Variants in FBXL19 observed in about 807,000 individuals in gnomAD.
FBXL19 encodes the protein F-box/LRR-repeat protein 19.
FBXL19 carries 16 observed loss-of-function variants against 71.2 expected under a neutral mutation model. That is an observed-to-expected ratio of 0.22 (90% CI 0.15 to 0.34). The LOEUF is 0.34. FBXL19 is among the 10% of genes least tolerant of loss of function. FBXL19 has a pLI of 1.00. For synonymous variants in FBXL19, 447 were observed against 409.4 expected (o/e 1.09, Z -1.11); for missense variants, 658 against 968.2 (o/e 0.68, Z 4.25).
chr16:30,943,312 C>T (rs1187435757), intron 9 of FBXL19, among the ~76,000 whole-genome samples: 1 of 151,694 alleles, frequency 6.6e-6, no homozygotes, highest in Non-Finnish European at 1.5e-5. Context: ...ACCTCAGCCT[C>T]CTGAGTAGCT....
In FBXL19 at chr16:30,930,059, C is replaced by G. The variant is rs528788728; in HGVS notation, c.790-14C>G. On this transcript the variant is annotated splice_polypyrimidine_tract_variant and intron_variant, in intron 6 of 10. Transcript: ENST00000338343. This position sits in a 1 kb window ranked among gnomAD's most constrained non-coding sequence, Gnocchi z 8.5. ...CCCAGGCCCTAGAACAGCATCAACC[C>G]TGTCTCCCTGCAGAAACCAAAGCCG... 1 of 1,606,846 alleles carries G rather than the reference C, an allele frequency of 6.2e-7. No individual in the cohort carries two copies. The highest frequency in any genetic ancestry group is 2.2e-5 in the East Asian group (1 of 44,758).
At position 30,930,155 on chromosome 16, in the gene FBXL19, A is replaced by G; in HGVS notation, c.872A>G (p.Lys291Arg). 3 of 1,613,422 alleles carry G rather than the reference A, an allele frequency of 1.9e-6. No homozygotes were observed. The highest frequency in any genetic ancestry group is 2.5e-6 in the Non-Finnish European group (3 of 1,179,888). ...SPQREKLERF[K>R]RMCQLLERVP... ...CAGAGGGAGAAGCTAGAGCGTTTCA[A>G]GCGGATGTGCCAGCTGCTGGAACGG... The change falls in exon 7 of 11, where the codon AAG becomes AGG. Residue 291 changes from lysine (K) to arginine (R), a missense_variant. Physicochemically the swap from Lys to Arg is conservative, Grantham distance 26. Coordinates refer to ENST00000338343, the MANE Select transcript of FBXL19 (RefSeq NM_001382779.1). The surrounding 1 kb of genome is among the most constrained non-coding windows in gnomAD (Gnocchi z 8.5).
Position 30,924,029 on chromosome 16 carries a change from G to C in FBXL19, c.-455G>C, listed in dbSNP as rs1031054595. The C allele has an allele frequency of 6.6e-6, 1 of 151,116 alleles. No homozygotes were observed. Among genetic ancestry groups the C allele is most frequent in the Non-Finnish European group, 1.5e-5 (1 of 67,590 alleles). 9.4% of individuals were successfully genotyped at this position (151,116 alleles called of 1,614,324 possible). A position where few individuals can be genotyped will look rare whatever the true frequency, so the allele number is the denominator to read the frequency against. On this transcript the variant is annotated 5_prime_UTR_variant, in exon 1 of 11. Coordinates refer to ENST00000338343, the MANE Select transcript of FBXL19 (RefSeq NM_001382779.1). ...GCCCAGGCCTGGCACTGGACCCCTG[G>C]GCAGTGGGGTCCGGGAAGGGGCCAG...
At position 30,948,009 on chromosome 16, in the gene FBXL19, C is replaced by T; in HGVS notation, c.*779C>T. The T allele has an allele frequency of 8.2e-6, 3 of 366,612 alleles. No homozygotes were observed. The highest frequency in any genetic ancestry group is 1.6e-5 in the Non-Finnish European group (3 of 186,384). The allele number at this position is 366,612 out of a possible 1,614,324, so 22.7% of individuals were successfully genotyped here. ...CCCGCCTCTCCGCACAATACTTGAACATTCATCTGTACTGAAGTGTTACTT... is the reference window on the plus strand; with the variant it reads ...CCCGCCTCTCCGCACAATACTTGAATATTCATCTGTACTGAAGTGTTACTT... On this transcript the variant is annotated 3_prime_UTR_variant, in exon 11 of 11. Coordinates refer to ENST00000338343, the MANE Select transcript of FBXL19 (RefSeq NM_001382779.1).
chr16:30,936,045 C>T (rs1285700064), intron 7 of FBXL19, among the ~76,000 whole-genome samples: 2 of 152,196 alleles, frequency 1.3e-5, no homozygotes, highest in African/African-American at 2.4e-5. Context: ...CTGCACCAAC[C>T]ACTTCCCTGA....
Position 30,925,967 on chromosome 16 carries a change from C to T in FBXL19, c.177+36C>T, listed in dbSNP as rs1273381939. On this transcript the variant is annotated intron_variant, in intron 2 of 10. Transcript: ENST00000338343. This position sits in a 1 kb window ranked among gnomAD's most constrained non-coding sequence, Gnocchi z 5.0. ...CCCCCACCTTTGGGCTCTGCCCACC[C>T]TTCCCAATACCTTCTTGGAATGGCT... 1.4e-6 allele frequency: 2 copies of T among 1,451,176 alleles called. No homozygotes were observed. Among genetic ancestry groups the T allele is most frequent in the Admixed American group, 5.7e-5 (2 of 35,090 alleles). The allele number at this position is 1,451,176 out of a possible 1,614,324, so 89.9% of individuals were successfully genotyped here.
chr16:30,926,077 A>T (rs1207735134), intron 2 of FBXL19, 146 bp downstream of exon 2: 1 of 1,320,962 alleles, frequency 7.6e-7, no homozygotes, highest in Non-Finnish European at 9.6e-7. Context: ...TTGTGTCAGT[A>T]TCCATTTTTG....
chr16:30,930,669 T>G lies in FBXL19; in HGVS notation c.1301+85T>G. The stretch of plus-strand genomic sequence containing the variant: ...CCTGCGGTAGGTCTCTGGCCCTCTC[T>G]GGGCCTTGCTTTTATATTGGGGATA... On this transcript the variant is annotated intron_variant, in intron 7 of 10. Transcript: ENST00000338343. The surrounding 1 kb of genome is among the most constrained non-coding windows in gnomAD (Gnocchi z 8.5). The G allele has an allele frequency of 7.5e-7, 1 of 1,341,288 alleles. No homozygotes were observed. Among genetic ancestry groups the G allele is most frequent in the East Asian group, 2.8e-5 (1 of 35,162 alleles). 83.1% of individuals were successfully genotyped at this position (1,341,288 alleles called of 1,614,324 possible). A position where few individuals can be genotyped will look rare whatever the true frequency, so the allele number is the denominator to read the frequency against.
chr16:30,939,572 C>T (rs1473442681), intron 7 of FBXL19, among the ~76,000 whole-genome samples: 1 of 151,416 alleles, frequency 6.6e-6, no homozygotes, highest in Non-Finnish European at 1.5e-5. Flanking sequence ...CTCCACCACG[C>T]CCAGCTAATT....
chr16:30,924,543 C>T (rs901208022), intron 1 of FBXL19, 84 bp downstream of exon 1: 1 of 1,234,562 alleles, frequency 8.1e-7, no homozygotes, highest in Non-Finnish European at 1.0e-6. Context: ...TCTCTACCTT[C>T]CCCGCCCCCA....
intron 7 of FBXL19, among the ~76,000 whole-genome samples, chr16:30,936,201 A>C (rs963291725): frequency 3.9e-5 from 6 of 152,104 alleles, no homozygotes; most frequent in Admixed American, 1.3e-4. Context: ...TGGGATTTAG[A>C]TCCCCATAGC....
At chr16:30,931,319 C>G (rs1219129080) in intron 7 of FBXL19, among the ~76,000 whole-genome samples, 1 of 152,192 alleles carries the variant, frequency 6.6e-6, no homozygotes, top group Non-Finnish European at 1.5e-5. Context: ...GACAAGCCTT[C>G]ATTCATTTAC....
At chr16:30,931,712 T>C in intron 7 of FBXL19, among the ~76,000 whole-genome samples, 1 of 152,108 alleles carries the variant, frequency 6.6e-6, no homozygotes, top group East Asian at 1.9e-4. Flanking sequence ...GCAAATTGCC[T>C]GTGACAGAAT....
intron 6 of FBXL19, among the ~76,000 whole-genome samples, chr16:30,929,268 C>T (rs1401215833): frequency 1.3e-5 from 2 of 152,148 alleles, no homozygotes; most frequent in Non-Finnish European, 2.9e-5. Flanking sequence ...GCCTCGGTTT[C>T]CTCATGTCTG....
intron 9 of FBXL19, among the ~76,000 whole-genome samples, chr16:30,944,441 A>G (rs2055836997): frequency 6.6e-6 from 1 of 152,068 alleles, no homozygotes; most frequent in Non-Finnish European, 1.5e-5. Flanking sequence ...AAGTGAGAAC[A>G]TGCAATTTCT....
intron 1 of FBXL19, 103 bp downstream of exon 1, chr16:30,924,562 C>T (rs2055566914): frequency 1.5e-6 from 2 of 1,335,038 alleles, no homozygotes; most frequent in Non-Finnish European, 1.9e-6. Flanking sequence ...CAGCCTCACC[C>T]TCTCTCTACT....
At position 30,942,761 on chromosome 16, in the gene FBXL19, G is replaced by A. The variant is rs1021387308; in HGVS notation, c.1627+225G>A. Among the ~76,000 whole-genome samples, 1 of 152,256 alleles carries A rather than the reference G, an allele frequency of 6.6e-6. No individual in the cohort carries two copies. Among genetic ancestry groups the A allele is most frequent in the Non-Finnish European group, 1.5e-5 (1 of 68,042 alleles). On this transcript the variant is annotated intron_variant, in intron 9 of 10. Transcript: ENST00000338343. This position sits in a 1 kb window ranked among gnomAD's most constrained non-coding sequence, Gnocchi z 5.7. ...GGAACAGGGTTTTCCCAGGGAGTGTGAGACTCAGCAGTTTGGTGGGGCAGG... is the reference window on the plus strand; with the variant it reads ...GGAACAGGGTTTTCCCAGGGAGTGTAAGACTCAGCAGTTTGGTGGGGCAGG...
At chr16:30,932,314 A>G (rs2055684142) in intron 7 of FBXL19, among the ~76,000 whole-genome samples, 1 of 152,242 alleles carries the variant, frequency 6.6e-6, no homozygotes, top group South Asian at 2.1e-4. Flanking sequence ...GTTAAGCTGC[A>G]ACATAGAAGC....
At chr16:30,944,623 A>T (rs1210704036) in intron 9 of FBXL19, among the ~76,000 whole-genome samples, 2 of 151,946 alleles carry the variant, frequency 1.3e-5, no homozygotes, top group Non-Finnish European at 2.9e-5. Flanking sequence ...CATGGCTTTT[A>T]CTATTGTGAA....
Sources: allele counts gnomAD v4.1 joint callset (sites outside exome capture counted in the v4.1 genomes callset), GRCh38; gene constraint gnomAD v4.1.1; non-coding constraint Gnocchi (gnomAD v3.1); transcripts MANE v1.5; gene names NCBI Gene and HGNC (gene_info 2026-07-23, HGNC 2026-07-21).